Variants in FSHR observed in about 807,000 individuals in gnomAD.
The protein encoded by FSHR is follicle stimulating hormone receptor, also known as follicle-stimulating hormone receptor.
A neutral mutation model predicts 52.1 loss-of-function variants in FSHR; 46 were observed. The ratio of observed to expected loss-of-function variants is 0.88; its 90% CI spans 0.70 to 1.13. FSHR has a LOEUF of 1.13. FSHR is among the 50% of genes most tolerant of loss of function. The pLI is 0.00. For synonymous variants in FSHR, 399 were observed against 309.6 expected (o/e 1.29, Z -3.03); for missense variants, 964 against 834.6 (o/e 1.16, Z -1.91).
Position 48,962,276 on chromosome 2 carries a change from A to G in FSHR, c.*457T>C, listed in dbSNP as rs1288380043. ...TTGAATGAATGAATGAATGAATACC[A>G]TGGTGCTTCTCTGGGAAATTCTCTG... On this transcript the variant is annotated 3_prime_UTR_variant, in exon 10 of 10. Coordinates refer to ENST00000406846, the MANE Select transcript of FSHR (RefSeq NM_000145.4). 4 of 216,792 alleles carry G rather than the reference A, an allele frequency of 1.8e-5. No homozygotes were observed. The highest frequency in any genetic ancestry group is 2.8e-5 in the Non-Finnish European group (3 of 107,960). The allele number at this position is 216,792 out of a possible 1,614,324, so 13.4% of individuals were successfully genotyped here. A position where few individuals can be genotyped will look rare whatever the true frequency, so the allele number is the denominator to read the frequency against.
intron 8 of FSHR, among the ~76,000 whole-genome samples, chr2:48,982,700 C>G (rs749642931): frequency 5.3e-5 from 8 of 152,190 alleles, no homozygotes; most frequent in Non-Finnish European, 1.2e-4. Flanking sequence ...TGTACGTGCT[C>G]ATTACATGTT....
At chr2:49,035,382 A>G (rs1668239046) in intron 2 of FSHR, among the ~76,000 whole-genome samples, 1 of 152,200 alleles carries the variant, frequency 6.6e-6, no homozygotes, top group African/African-American at 2.4e-5. Context: ...CATTTTAGGT[A>G]TGTATTAACA....
chr2:48,989,802 C>G (rs1400607127), intron 5 of FSHR, among the ~76,000 whole-genome samples: 1 of 152,048 alleles, frequency 6.6e-6, no homozygotes, highest in Non-Finnish European at 1.5e-5. Flanking sequence ...GATGAGGAAA[C>G]TCTCATTTTC....
At chr2:49,021,890 G>T (rs1045488571) in intron 2 of FSHR, among the ~76,000 whole-genome samples, 2,618 of 36,022 alleles carry the variant, frequency 0.073, 39 homozygotes, top group African/African-American at 0.083. Context: ...TATATATAGA[G>T]AGAGAGAGAG....
In FSHR at chr2:48,968,771, G is replaced by C. The variant is rs766651226; in HGVS notation, c.781C>G (p.Leu261Val). 1 of 1,614,026 alleles carries C rather than the reference G, an allele frequency of 6.2e-7. No homozygotes were observed. The highest frequency in any genetic ancestry group is 8.5e-7 in the Non-Finnish European group (1 of 1,180,014). Residue 261 changes from leucine (L) to valine (V), a missense_variant, in exon 9 of 10, where the codon CTT becomes GTT. Transcript: ENST00000406846. ...NLKKLPTLEK[L>V]VALMEASLTY... ...AGGCTGGCTTCCATGAGGGCGACAA[G>C]CTTTTCCAGAGTAGGCAGCTTTTTT...
chr2:49,001,952 T>TGGAA (rs1666903655), intron 4 of FSHR, among the ~76,000 whole-genome samples: 1 of 152,136 alleles, frequency 6.6e-6, no homozygotes, highest in African/African-American at 2.4e-5. Context: ...GAAGGTAACT[T>TGGAA]GGGTGAACAG....
intron 4 of FSHR, among the ~76,000 whole-genome samples, chr2:49,006,522 A>G (rs1448133225): frequency 6.6e-6 from 1 of 151,876 alleles, no homozygotes; most frequent in African/African-American, 2.4e-5. Flanking sequence ...CATTCTATTC[A>G]TTTACAGTAC....
At chr2:49,116,754 T>G (rs1308531632) in intron 1 of FSHR, among the ~76,000 whole-genome samples, 1 of 152,192 alleles carries the variant, frequency 6.6e-6, no homozygotes, top group African/African-American at 2.4e-5. Flanking sequence ...GGGTACAATA[T>G]GATAGTTTGA....
At chr2:49,009,748 T>G (rs1667203328) in intron 4 of FSHR, among the ~76,000 whole-genome samples, 2 of 146,328 alleles carry the variant, frequency 1.4e-5, no homozygotes, top group Non-Finnish European at 3.0e-5. Context: ...TTCACGTCCC[T>G]TGTAAGTTGG....
Position 48,963,843 on chromosome 2 carries a change from A to C in FSHR, c.978T>G (p.Phe326Leu). 6.2e-7 allele frequency: 1 copy of C among 1,614,142 alleles called. No homozygotes were observed. Among genetic ancestry groups the C allele is most frequent in the Non-Finnish European group, 8.5e-7 (1 of 1,180,020 alleles). Residue 326 changes from phenylalanine to leucine, a missense_variant, in exon 10 of 10, where the codon TTT (phenylalanine) becomes TTG (leucine). Phe to Leu is a conservative substitution (Grantham distance 22). Transcript: ENST00000406846. ...EDNESSYSRGFDMTYTEFDYD... is the reference protein window; with the variant it reads ...EDNESSYSRGLDMTYTEFDYD... ...AGTCAAACTCAGTGTACGTCATGTC[A>C]AATCCTCTGCTGTAGCTGGACTCAT...
chr2:49,082,227 C>G (rs1164581354), intron 1 of FSHR, among the ~76,000 whole-genome samples: 2 of 152,184 alleles, frequency 1.3e-5, no homozygotes, highest in African/African-American at 4.8e-5. Flanking sequence ...CACCCCCCAG[C>G]AGGGGCAGAC....
At chr2:49,056,561 A>T (rs528478202) in intron 2 of FSHR, among the ~76,000 whole-genome samples, 61 of 151,570 alleles carry the variant, frequency 4.0e-4, no homozygotes, top group African/African-American at 1.5e-3. Context: ...GCAATACATT[A>T]GTAGTTGGAG....
intron 1 of FSHR, among the ~76,000 whole-genome samples, chr2:49,144,141 G>A (rs551603462): frequency 1.6e-4 from 25 of 152,200 alleles, no homozygotes; most frequent in African/African-American, 5.3e-4. Context: ...CAGAATGCTG[G>A]TAGTCAGGAC....
intron 2 of FSHR, among the ~76,000 whole-genome samples, chr2:49,023,117 G>A (rs1280176259): frequency 1.3e-5 from 2 of 152,188 alleles, no homozygotes; most frequent in African/African-American, 2.4e-5. Flanking sequence ...GGAGAATGAA[G>A]TAGTTGGTTT....
At chr2:49,069,849 G>T (rs1328441248) in intron 1 of FSHR, among the ~76,000 whole-genome samples, 2 of 152,280 alleles carry the variant, frequency 1.3e-5, no homozygotes, top group East Asian at 3.9e-4. Context: ...TTACAAGGCA[G>T]TCTGTGAGCA....
intron 4 of FSHR, among the ~76,000 whole-genome samples, chr2:49,008,815 T>C (rs1192291169): frequency 2.7e-5 from 4 of 147,914 alleles, no homozygotes; most frequent in Non-Finnish European, 6.0e-5. Flanking sequence ...TTTGGCTGCA[T>C]AAATGTCTTC....
chr2:48,991,103 T>C lies in FSHR; in HGVS notation c.375-466A>G, dbSNP rs375461202. Among the ~76,000 whole-genome samples, 818 of 149,918 alleles carry C rather than the reference T, an allele frequency of 5.5e-3. 8 individuals are homozygous for C. Among genetic ancestry groups the C allele is most frequent in the African/African-American group, 0.02 (781 of 39,792 alleles). On this transcript the variant is annotated intron_variant, in intron 4 of 9. Transcript: ENST00000406846. ...GTGACCTAAGCTGGGCCAATCAGAC[T>C]CTCTCCTGGGAACTGGTTAGAGGTT...
chr2:49,139,981 TA>T (rs1342748264), intron 1 of FSHR, among the ~76,000 whole-genome samples: 1 of 152,116 alleles, frequency 6.6e-6, no homozygotes, highest in Non-Finnish European at 1.5e-5. Context: ...TTAATGGTGG[TA>T]TTGTGACAAG....
chr2:49,135,038 A>G (rs1358923316), intron 1 of FSHR, among the ~76,000 whole-genome samples: 1 of 152,184 alleles, frequency 6.6e-6, no homozygotes, highest in Non-Finnish European at 1.5e-5. Flanking sequence ...CACAATGTGC[A>G]CATGTACCCT....
Sources: gnomAD v4.1 joint callset for allele counts (sites outside exome capture counted in the v4.1 genomes callset) on GRCh38, gnomAD v4.1.1 for gene constraint, MANE v1.5 for transcripts, NCBI Gene and HGNC (gene_info 2026-07-23, HGNC 2026-07-21) for gene names.